The following TUFT1 variants were observed in gnomAD, a reference collection of about 807,000 sequenced individuals.
The protein encoded by TUFT1 is tuftelin.
A neutral mutation model predicts 57.8 loss-of-function variants in TUFT1; 43 were observed. The observed-to-expected ratio is 0.74, with a 90% CI of 0.58 to 0.96. TUFT1 has a LOEUF of 0.96. Among genes scored for constraint, TUFT1 ranks in the 40% least tolerant of loss-of-function variants. The probability of loss-of-function intolerance (pLI) is 0.00; values close to 1 mark genes in which losing one functional copy is unlikely to be tolerated. For synonymous variants in TUFT1, 166 were observed against 176.7 expected, an observed-to-expected ratio of 0.94 and a Z score of 0.48; for missense variants, 459 against 489.0, an observed-to-expected ratio of 0.94 and a Z score of 0.58.
rs190105482 is a variant in TUFT1 at position 151,582,297 on chromosome 1, G to C, written c.*590G>C. On this transcript the variant is annotated 3_prime_UTR_variant, in exon 13 of 13. Transcript: ENST00000368849. ...AGTGAACCTAAGCTTTGACTGGGTG[G>C]CCTTGTCTTTCTGGGGAGGAGGGAA... 2.3e-5 allele frequency: 10 copies of C among 442,938 alleles called. No homozygotes were observed. The East Asian group carries it at 7.0e-4, about 31-fold the overall frequency. The allele number at this position is 442,938 out of a possible 1,614,324, so 27.4% of individuals were successfully genotyped here.
chr1:151,579,645 G>A lies in TUFT1; in HGVS notation c.925-4G>A, dbSNP rs1666582167. 1 of 1,613,806 alleles carries A rather than the reference G, an allele frequency of 6.2e-7. No homozygotes were observed. Among genetic ancestry groups the A allele is most frequent in the Non-Finnish European group, 8.5e-7 (1 of 1,179,870 alleles). Reference sequence around the variant, plus strand: ...GAGCTCCAGTGTCTCCCACACCTTTGCAGCTCCAGAATTCAAAAGCTGTGA... The same window carrying A: ...GAGCTCCAGTGTCTCCCACACCTTTACAGCTCCAGAATTCAAAAGCTGTGA... On this transcript the variant is annotated splice_polypyrimidine_tract_variant and splice_region_variant and intron_variant, in intron 10 of 12. Transcript: ENST00000368849.
At chr1:151,549,032 G>A (rs951604447) in intron 1 of TUFT1, among the ~76,000 whole-genome samples, 2 of 152,120 alleles carry the variant, frequency 1.3e-5, no homozygotes, top group African/African-American at 4.8e-5. Flanking sequence ...AGTGAGTCAG[G>A]GTTGGAGATT....
Position 151,581,822 on chromosome 1 carries a change from G to T in TUFT1, c.*115G>T. On this transcript the variant is annotated 3_prime_UTR_variant, in exon 13 of 13. Transcript: ENST00000368849. ...CCTGACTGTCCCCTGGCTGCACCCA[G>T]GACTTCGGGCTCCTGTGTCTCACCA... 9.0e-7 allele frequency: 1 copy of T among 1,112,906 alleles called. No individual in the cohort carries two copies. Among genetic ancestry groups the T allele is most frequent in the Non-Finnish European group, 1.3e-6 (1 of 747,320 alleles). 68.9% of individuals were successfully genotyped at this position (1,112,906 alleles called of 1,614,324 possible). A position where few individuals can be genotyped will look rare whatever the true frequency, so the allele number is the denominator to read the frequency against.
chr1:151,568,365 G>A (rs1292631608), intron 6 of TUFT1, among the ~76,000 whole-genome samples: 1 of 151,948 alleles, frequency 6.6e-6, no homozygotes, highest in South Asian at 2.1e-4. Context: ...CTTTGTTCTT[G>A]TTTTCCCTGG....
At chr1:151,566,082 A>T in intron 5 of TUFT1, 81 bp from the exon 6 acceptor site, 1 of 764,662 alleles carries the variant, frequency 1.3e-6, no homozygotes, top group Non-Finnish European at 1.9e-6. Flanking sequence ...TCTTTCTAAG[A>T]TTTGAGTGTT....
intron 5 of TUFT1, 82 bp from the exon 6 acceptor site, chr1:151,566,081 G>A: frequency 3.0e-6 from 2 of 659,514 alleles, no homozygotes; most frequent in Non-Finnish European, 4.6e-6. Flanking sequence ...CTCTTTCTAA[G>A]ATTTGAGTGT....
intron 1 of TUFT1, among the ~76,000 whole-genome samples, chr1:151,547,105 C>A (rs983009003): frequency 1.3e-5 from 2 of 152,156 alleles, no homozygotes; most frequent in Non-Finnish European, 1.5e-5. Flanking sequence ...CTAAACTCAG[C>A]CCATAAATTT....
intron 1 of TUFT1, among the ~76,000 whole-genome samples, chr1:151,548,459 C>T (rs1011182616): frequency 6.6e-5 from 10 of 152,190 alleles, no homozygotes; most frequent in Middle Eastern, 3.4e-3. Context: ...TGCGCCACCA[C>T]GCCCAGCTAA....
chr1:151,551,256 T>G (rs1404040489), intron 1 of TUFT1, among the ~76,000 whole-genome samples: 1 of 152,196 alleles, frequency 6.6e-6, no homozygotes, highest in African/African-American at 2.4e-5. Flanking sequence ...CCATACTGCT[T>G]CTCTAAACTG....
At chr1:151,572,298 A>G (rs748362822) in intron 7 of TUFT1, among the ~76,000 whole-genome samples, 3 of 151,974 alleles carry the variant, frequency 2.0e-5, no homozygotes, top group Non-Finnish European at 4.4e-5. Context: ...ACACCTTTTT[A>G]TAATTAAGAG....
intron 1 of TUFT1, among the ~76,000 whole-genome samples, chr1:151,559,737 GCT>G (rs1665821887): frequency 6.6e-6 from 1 of 152,150 alleles, no homozygotes; most frequent in African/African-American, 2.4e-5. Context: ...GTGGGAGGAT[GCT>G]GATGTTTCAG....
chr1:151,551,600 G>C (rs1218597376), intron 1 of TUFT1, among the ~76,000 whole-genome samples: 1 of 152,074 alleles, frequency 6.6e-6, no homozygotes, highest in African/African-American at 2.4e-5. Flanking sequence ...GGATACCCCG[G>C]TCGGAGAAAG....
At chr1:151,544,899 T>C (rs1665283698) in intron 1 of TUFT1, among the ~76,000 whole-genome samples, 1 of 152,216 alleles carries the variant, frequency 6.6e-6, no homozygotes, top group Non-Finnish European at 1.5e-5. Flanking sequence ...TTGTAGGAAT[T>C]ATAGGAAAAT....
At chr1:151,551,316 C>T (rs1394455242) in intron 1 of TUFT1, among the ~76,000 whole-genome samples, 1 of 152,038 alleles carries the variant, frequency 6.6e-6, no homozygotes, top group Non-Finnish European at 1.5e-5. Context: ...GAACATATCA[C>T]CTGGAACTCA....
intron 1 of TUFT1, among the ~76,000 whole-genome samples, chr1:151,554,950 C>T (rs1429918073): frequency 1.6e-4 from 24 of 149,306 alleles, no homozygotes; most frequent in Non-Finnish European, 3.3e-4. Flanking sequence ...GTGATCCACC[C>T]ACCTCGGCCT....
intron 5 of TUFT1, 98 bp from the exon 6 acceptor site, chr1:151,566,065 G>T: frequency 2.8e-6 from 1 of 356,942 alleles, no homozygotes; most frequent in Admixed American, 3.2e-5. Context: ...CCCTCTCCCT[G>T]TCCTTCTCTT....
rs764864207 is a variant in TUFT1, at chr1:151,578,730, C to T, written c.828C>T (p.Thr276=). 9 of 1,568,262 alleles carry T rather than the reference C, an allele frequency of 5.7e-6. No individual in the cohort carries two copies. The highest frequency in any genetic ancestry group is 6.9e-6 in the Non-Finnish European group (8 of 1,155,446). ...DCQAEREKAA[T]LEKEVAGLRE... is the part of the protein sequence containing the mutation. ...TGGTCTTTATCCCCAGGGCTGCTACCCTGGAAAAGGAAGTGGCCGGGTTGC... is the reference window on the plus strand; with the variant it reads ...TGGTCTTTATCCCCAGGGCTGCTACTCTGGAAAAGGAAGTGGCCGGGTTGC... Residue 276 remains threonine (T), a synonymous_variant, in exon 10 of 13, where the codon ACC becomes ACT. Coordinates refer to ENST00000368849, the MANE Select transcript of TUFT1 (RefSeq NM_020127.3).
At position 151,566,109 on chromosome 1, in the gene TUFT1, A is replaced by G. The variant is rs1437983749; in HGVS notation, c.415-54A>G. ...TTGAGTGTTAGGAGAATAATGTTTC[A>G]AAGTTGGTTGCTTTCATCTGTTTTA... On this transcript the variant is annotated intron_variant, in intron 5 of 12. Transcript: ENST00000368849. The G allele has an allele frequency of 6.4e-6, 9 of 1,400,806 alleles. No homozygotes were observed. In the East Asian group the frequency reaches 7.7e-5, roughly 12 times the overall value. 86.8% of individuals were successfully genotyped at this position (1,400,806 alleles called of 1,614,324 possible). A position where few individuals can be genotyped will look rare whatever the true frequency, so the allele number is the denominator to read the frequency against.
intron 1 of TUFT1, among the ~76,000 whole-genome samples, chr1:151,547,639 C>A (rs1404686917): frequency 6.6e-6 from 1 of 152,206 alleles, no homozygotes; most frequent in Non-Finnish European, 1.5e-5. Context: ...AAGCAAAAAT[C>A]ACTAAGCAGG....
Sources: gnomAD v4.1 joint callset for allele counts (sites outside exome capture counted in the v4.1 genomes callset) on GRCh38, gnomAD v4.1.1 for gene constraint, MANE v1.5 for transcripts, NCBI Gene and HGNC (gene_info 2026-07-23, HGNC 2026-07-21) for gene names.